The following SNX2 variants were observed in gnomAD, a reference collection of about 807,000 sequenced individuals.
SNX2 encodes the protein sorting nexin-2.
In SNX2, 25 loss-of-function variants were observed where a neutral mutation model predicts 69.9. The observed-to-expected ratio is 0.36, with a 90% CI of 0.26 to 0.50. The LOEUF (loss-of-function observed/expected upper bound fraction) is 0.50. Among genes scored for constraint, SNX2 ranks in the 20% least tolerant of loss-of-function variants. SNX2 has a pLI of 0.97. For missense variants in SNX2, 551 were observed against 613.3 expected (o/e 0.90, Z 1.07); for synonymous variants, 229 against 200.4 (o/e 1.14, Z -1.20).
intron 1 of SNX2, among the ~76,000 whole-genome samples, chr5:122,788,204 C>T (rs887215772): frequency 6.6e-6 from 1 of 152,130 alleles, no homozygotes; most frequent in Non-Finnish European, 1.5e-5. Context: ...AGTGTTATTC[C>T]ACTGTTTTGT....
intron 11 of SNX2, 67 bp downstream of exon 11, chr5:122,819,090 A>C: frequency 7.8e-7 from 1 of 1,275,528 alleles, no homozygotes; most frequent in Non-Finnish European, 1.1e-6. Context: ...TTTCCTATTA[A>C]TTATGTATTT....
intron 1 of SNX2, among the ~76,000 whole-genome samples, chr5:122,791,490 C>T (rs1753237101): frequency 6.6e-6 from 1 of 152,230 alleles, no homozygotes; most frequent in African/African-American, 2.4e-5. Context: ...CCACATTGGC[C>T]AGGCTGGTCT....
chr5:122,810,399 TAAAAAA>T (rs928838303), intron 7 of SNX2, among the ~76,000 whole-genome samples: 1 of 122,460 alleles, frequency 8.2e-6, no homozygotes. Flanking sequence ...AATGATCAAT[TAAAAAA>T]AAAAAAAAAA....
Position 122,832,935 on chromosome 5 carries a change from G to A in SNX2, c.*3287G>A, listed in dbSNP as rs1454806476. 6.6e-6 allele frequency: 1 copy of A among 152,194 alleles called. No individual in the cohort carries two copies. Among genetic ancestry groups the A allele is most frequent in the South Asian group, 2.1e-4 (1 of 4,828 alleles). 9.4% of individuals were successfully genotyped at this position (152,194 alleles called of 1,614,324 possible). On this transcript the variant is annotated 3_prime_UTR_variant, in exon 15 of 15. Transcript: ENST00000379516. ...GTCATTTTGTTTTAAAGGAAGGGAG[G>A]TTGCTGGTAGTTAGGTGGGAAAATA... is the stretch of plus-strand genomic sequence containing the variant.
chr5:122,784,910 A>G (rs1191974221), intron 1 of SNX2, among the ~76,000 whole-genome samples: 1 of 152,210 alleles, frequency 6.6e-6, no homozygotes, highest in African/African-American at 2.4e-5. Context: ...AATTTTTTAA[A>G]TACAGGACTG....
intron 11 of SNX2, 62 bp from the exon 12 acceptor site, chr5:122,825,986 CTA>C: frequency 7.0e-7 from 1 of 1,425,256 alleles, no homozygotes; most frequent in Non-Finnish European, 9.7e-7. Flanking sequence ...TATAACACTT[CTA>C]GTGTTAAGAA....
chr5:122,791,119 ATT>A (rs71623268), intron 1 of SNX2, among the ~76,000 whole-genome samples: 4 of 131,680 alleles, frequency 3.0e-5, no homozygotes, highest in Non-Finnish European at 4.8e-5. Flanking sequence ...GGCTATTTCA[ATT>A]TTTTTTTTTT....
rs539469426 is a variant in SNX2, at chr5:122,833,476, C to T, written c.*3828C>T. 13 of 151,912 alleles carry T rather than the reference C, an allele frequency of 8.6e-5. No individual in the cohort carries two copies. In the South Asian group the frequency reaches 2.7e-3, roughly 32 times the overall value. The allele number at this position is 151,912 out of a possible 1,614,324, so 9.4% of individuals were successfully genotyped here. A position where few individuals can be genotyped will look rare whatever the true frequency, so the allele number is the denominator to read the frequency against. On this transcript the variant is annotated 3_prime_UTR_variant, in exon 15 of 15. Transcript: ENST00000379516. ...CAAAATATTATTTTAATATGTAATC[C>T]AATATATTGAAGTTATAAGATATTT...
At chr5:122,791,501 C>G (rs1203867975) in intron 1 of SNX2, among the ~76,000 whole-genome samples, 1 of 152,210 alleles carries the variant, frequency 6.6e-6, no homozygotes, top group Non-Finnish European at 1.5e-5. Flanking sequence ...AGGCTGGTCT[C>G]GAACTCTTGA....
rs747909357 is a variant in SNX2 at position 122,775,081 on chromosome 5, C to T, written c.-23C>T. On this transcript the variant is annotated 5_prime_UTR_variant, in exon 1 of 15. Transcript: ENST00000379516. ...TGACGGGTCCGCGAGGCCCAGCTCG[C>T]GCAGTCGTTCGGGTGAGCGAAGATG... 1.9e-6 allele frequency: 3 copies of T among 1,566,486 alleles called. No individual in the cohort carries two copies. The highest frequency in any genetic ancestry group is 2.4e-5 in the South Asian group (2 of 85,048).
chr5:122,818,640 C>A (rs998394893), intron 10 of SNX2, among the ~76,000 whole-genome samples, 178 bp from the exon 11 acceptor site: 1 of 152,190 alleles, frequency 6.6e-6, no homozygotes, highest in Non-Finnish European at 1.5e-5. Flanking sequence ...GATCTCCGAG[C>A]ACTTGGCATT....
chr5:122,828,231 CT>C (rs1262721843), intron 14 of SNX2, among the ~76,000 whole-genome samples: 1 of 151,804 alleles, frequency 6.6e-6, no homozygotes, highest in Non-Finnish European at 1.5e-5. Context: ...TGAAGGATTT[CT>C]TCCTTCCAGT....
Position 122,783,987 on chromosome 5 carries a change from T to C in SNX2, c.108+8776T>C, listed in dbSNP as rs145737573. Among the ~76,000 whole-genome samples, 514 of 152,032 alleles carry C rather than the reference T, an allele frequency of 3.4e-3. 4 individuals are homozygous for C. The highest frequency in any genetic ancestry group is 0.012 in the African/African-American group (489 of 41,536). The stretch of plus-strand genomic sequence containing the variant: ...GCATACAGATCTAGCACATATTTTG[T>C]TATGTGCTAGATCTGTATGCTGAGT... On this transcript the variant is annotated intron_variant, in intron 1 of 14. Coordinates refer to ENST00000379516, the MANE Select transcript of SNX2 (RefSeq NM_003100.4).
chr5:122,819,434 CT>C (rs1753967143), intron 11 of SNX2, among the ~76,000 whole-genome samples: 1 of 152,020 alleles, frequency 6.6e-6, no homozygotes, highest in African/African-American at 2.4e-5. Context: ...TTAATGGGGG[CT>C]TTATCATAAA....
chr5:122,813,767 C>CTTT (rs546503535), intron 7 of SNX2, among the ~76,000 whole-genome samples: 68 of 115,370 alleles, frequency 5.9e-4, no homozygotes, highest in East Asian at 1.1e-3. Flanking sequence ...AGAATATTTC[C>CTTT]TTTTTTTTTT....
chr5:122,833,850 C>T lies in SNX2; in HGVS notation c.*4202C>T, dbSNP rs7726915. ...TGAAGAAATCAAAGCTGAATAAAAG[C>T]GACTCCTAGTTGTTACTCTCAAGGG... On this transcript the variant is annotated 3_prime_UTR_variant, in exon 15 of 15. Coordinates refer to ENST00000379516, the MANE Select transcript of SNX2 (RefSeq NM_003100.4). 53,849 of 151,948 alleles carry T rather than the reference C, an allele frequency of 0.35. 10,191 individuals are homozygous for T. Among genetic ancestry groups the T allele is most frequent in the African/African-American group, 0.46 (19,048 of 41,422 alleles). The allele number at this position is 151,948 out of a possible 1,614,324, so 9.4% of individuals were successfully genotyped here.
At chr5:122,807,673 A>C (rs1440567249) in intron 6 of SNX2, among the ~76,000 whole-genome samples, 5 of 152,252 alleles carry the variant, frequency 3.3e-5, no homozygotes, top group African/African-American at 4.8e-5. Context: ...CCCTTACAGA[A>C]GTAATTAACA....
chr5:122,808,192 T>G, intron 6 of SNX2, 85 bp from the exon 7 acceptor site: 1 of 843,300 alleles, frequency 1.2e-6, no homozygotes. Context: ...AAATTTTGAG[T>G]GTATTTTAAA....
intron 2 of SNX2, among the ~76,000 whole-genome samples, chr5:122,796,441 A>T (rs1201515813): frequency 6.6e-6 from 1 of 151,256 alleles, no homozygotes; most frequent in Non-Finnish European, 1.5e-5. Context: ...TCACAAAATT[A>T]AAAATATGAT....
Sources: allele counts gnomAD v4.1 joint callset (sites outside exome capture counted in the v4.1 genomes callset), GRCh38; gene constraint gnomAD v4.1.1; transcripts MANE v1.5; gene names NCBI Gene and HGNC (gene_info 2026-07-23, HGNC 2026-07-21).